COL1A2: variants seen among roughly 807,000 people sequenced by gnomAD.
The protein encoded by COL1A2 is collagen type I alpha 2 chain.
In COL1A2, 49 loss-of-function variants were observed where a neutral mutation model predicts 174.3. The ratio of observed to expected loss-of-function variants is 0.28; its 90% CI spans 0.22 to 0.36. The LOEUF is 0.36. COL1A2 is among the 10% of genes least tolerant of loss of function. The pLI is 1.00. For missense variants in COL1A2, 1,438 were observed against 1,822.7 expected (o/e 0.79, Z 3.84); for synonymous variants, 655 against 606.6 (o/e 1.08, Z -1.17).
intron 25 of COL1A2, 46 bp downstream of exon 25, chr7:94,412,728 A>C (rs764353226): frequency 6.6e-7 from 1 of 1,521,970 alleles, no homozygotes; most frequent in Non-Finnish European, 9.1e-7. Context: ...TTCTGTAGCC[A>C]AATTTTACCA....
chr7:94,428,932 T>C (rs1792342040), intron 50 of COL1A2, among the ~76,000 whole-genome samples: 1 of 152,176 alleles, frequency 6.6e-6, no homozygotes, highest in Non-Finnish European at 1.5e-5. Flanking sequence ...AAGAAGCATA[T>C]GCAAAAAGGA....
At chr7:94,408,677 T>G (rs988389076) in intron 15 of COL1A2, 93 bp from the exon 16 acceptor site, 1 of 1,362,754 alleles carries the variant, frequency 7.3e-7, no homozygotes, top group African/African-American at 1.4e-5. Context: ...AACAGTGTCA[T>G]GCCACTGTAA....
intron 29 of COL1A2, 25 bp downstream of exon 29, chr7:94,414,300 T>C (rs956849802): frequency 5.0e-6 from 8 of 1,601,724 alleles, no homozygotes; most frequent in Admixed American, 1.7e-5. Context: ...TAATAGTAAG[T>C]AGTAACTACT....
Position 94,410,920 on chromosome 7 carries a change from C to T in COL1A2, c.1229C>T (p.Ala410Val). The T allele has an allele frequency of 3.7e-6, 6 of 1,613,986 alleles. No homozygotes were observed. Among genetic ancestry groups the T allele is most frequent in the Non-Finnish European group, 5.1e-6 (6 of 1,179,972 alleles). Residue 410 changes from alanine (A) to valine (V), a missense_variant, in exon 22 of 52, where the codon GCT (alanine) becomes GTT (valine). By Grantham distance (64) the Ala-to-Val change is moderately conservative. Coordinates refer to ENST00000297268, the MANE Select transcript of COL1A2 (RefSeq NM_000089.4). ...GSPGSRGLPG[A>V]DGRAGVMGPP... ...CCTGGTTCTCGTGGTCTTCCTGGAGCTGATGGCAGAGCTGGCGTCATGGTA... is the reference window on the plus strand; with the variant it reads ...CCTGGTTCTCGTGGTCTTCCTGGAGTTGATGGCAGAGCTGGCGTCATGGTA...
intron 1 of COL1A2, among the ~76,000 whole-genome samples, chr7:94,396,505 G>C (rs75866871): frequency 0.023 from 3,462 of 152,084 alleles, 139 homozygotes; most frequent in African/African-American, 0.079. Context: ...ATAAAATGAA[G>C]GCAGACTTAG....
chr7:94,410,100 C>A, intron 19 of COL1A2, 142 bp from the exon 20 acceptor site: 4 of 889,084 alleles, frequency 4.5e-6, no homozygotes, highest in Non-Finnish European at 7.3e-6. Context: ...CCCCTGTACT[C>A]AATTTAAATA....
At chr7:94,403,012 G>A (rs1205539682) in intron 6 of COL1A2, among the ~76,000 whole-genome samples, 2 of 152,014 alleles carry the variant, frequency 1.3e-5, no homozygotes, top group Non-Finnish European at 2.9e-5. Flanking sequence ...TGTTTCTTTT[G>A]GCTTTGTTTA....
In COL1A2 at chr7:94,425,117, G is replaced by C; in HGVS notation, c.2674G>C (p.Gly892Arg). 6.2e-7 allele frequency: 1 copy of C among 1,613,850 alleles called. No individual in the cohort carries two copies. The highest frequency in any genetic ancestry group is 8.5e-7 in the Non-Finnish European group (1 of 1,179,800). The part of the protein sequence containing the change: ...RGLPGVAGAV[G>R]EPGPLGIAGP... ...CATTTTATCTTCTCTGCCTGTTTAG[G>C]GTGAACCTGGTCCTCTTGGCATTGC... The change falls in exon 42 of 52, where the codon GGT (glycine) becomes CGT (arginine). Residue 892 changes from glycine (G) to arginine (R), a missense_variant and splice_region_variant. Coordinates refer to ENST00000297268, the MANE Select transcript of COL1A2 (RefSeq NM_000089.4).
intron 1 of COL1A2, among the ~76,000 whole-genome samples, chr7:94,397,339 G>T (rs1337201132): frequency 6.6e-6 from 1 of 151,732 alleles, no homozygotes; most frequent in African/African-American, 2.4e-5. Context: ...ACCTTTTTTC[G>T]ATATTTAGGT....
chr7:94,408,128 G>C, intron 13 of COL1A2, 55 bp from the exon 14 acceptor site: 1 of 1,580,278 alleles, frequency 6.3e-7, no homozygotes, highest in Non-Finnish European at 8.7e-7. Flanking sequence ...AATGATGCCT[G>C]TGACTTTTTT....
chr7:94,425,276 T>C (rs529770435), intron 42 of COL1A2, 52 bp downstream of exon 42: 422 of 1,507,986 alleles, frequency 2.8e-4, no homozygotes, highest in Non-Finnish European at 3.4e-4. Context: ...TTTCATTGTG[T>C]GAAACTTTAT....
rs2115853650 is a variant in COL1A2 at position 94,398,380 on chromosome 7, A to G, written c.82-2A>G. ...AATAATCTTTGATTTATTCTTTTCT[A>G]GGAAACTGTAAGAAAGGTAAGAGTA... On this transcript the variant is annotated splice_acceptor_variant, in intron 2 of 51. Coordinates refer to ENST00000297268, the MANE Select transcript of COL1A2 (RefSeq NM_000089.4). LOFTEE classifies it high-confidence loss of function. The G allele has an allele frequency of 1.1e-6, 1 of 935,800 alleles. No homozygotes were observed. The highest frequency in any genetic ancestry group is 1.6e-6 in the Non-Finnish European group (1 of 637,940). The allele number at this position is 935,800 out of a possible 1,614,324, so 58.0% of individuals were successfully genotyped here.
In COL1A2 at chr7:94,425,592, T is replaced by G. The variant is rs761170046; in HGVS notation, c.2782-18T>G. ...CAGAGCCTCACCAACAGCCTTAATT[T>G]GTGTGGTGTCTTCACAGGGCAACCC... On this transcript the variant is annotated intron_variant, in intron 42 of 51. Coordinates refer to ENST00000297268, the MANE Select transcript of COL1A2 (RefSeq NM_000089.4). 36 of 1,613,656 alleles carry G rather than the reference T, an allele frequency of 2.2e-5. No homozygotes were observed. Among genetic ancestry groups the G allele is most frequent in the Non-Finnish European group, 3.0e-5 (35 of 1,179,716 alleles).
At chr7:94,419,599 G>A (rs762269760) in intron 34 of COL1A2, 48 bp downstream of exon 34, 85 of 1,603,764 alleles carry the variant, frequency 5.3e-5, no homozygotes, top group African/African-American at 4.7e-4. Flanking sequence ...AAAATTTCCC[G>A]CCTTCCCTAG....
chr7:94,404,359 A>G (rs763139397), intron 6 of COL1A2, among the ~76,000 whole-genome samples, 197 bp from the exon 7 acceptor site: 1 of 152,196 alleles, frequency 6.6e-6, no homozygotes, highest in South Asian at 2.1e-4. Flanking sequence ...TTCTGTTGAT[A>G]AGGATTGGGA....
At position 94,427,802 on chromosome 7, in the gene COL1A2, C is replaced by T. The variant is rs768437760; in HGVS notation, c.3443C>T (p.Thr1148Ile). The part of the protein sequence containing the change: ...TLKSLNNQIE[T>I]LLTPEGSRKN... ...AAGTCTCTCAACAACCAGATTGAGA[C>T]CCTTCTTACTCCTGAAGGCTCTAGA... The change falls in exon 49 of 52, where the codon ACC (threonine) becomes ATC (isoleucine). Residue 1148 changes from threonine to isoleucine, a missense_variant. Thr to Ile is a moderately conservative substitution (Grantham distance 89, BLOSUM62 -1). This residue lies in a region of COL1A2 where 290 missense variants were observed against 298.1 expected (regional missense o/e 0.97). Transcript: ENST00000297268. 1.2e-6 allele frequency: 2 copies of T among 1,613,984 alleles called. No homozygotes were observed. Among genetic ancestry groups the T allele is most frequent in the Non-Finnish European group, 1.7e-6 (2 of 1,179,868 alleles).
In COL1A2 at chr7:94,401,607, G is replaced by A; in HGVS notation, c.266G>A (p.Gly89Asp). 1 of 1,588,776 alleles carries A rather than the reference G, an allele frequency of 6.3e-7. No homozygotes were observed. The highest frequency in any genetic ancestry group is 8.6e-7 in the Non-Finnish European group (1 of 1,166,110). The change falls in exon 6 of 52, where the codon GGC (glycine) becomes GAC (aspartate). Residue 89 changes from glycine (G) to aspartate (D), a missense_variant. This residue lies in a region of COL1A2 where 281 missense variants were observed against 310.9 expected (regional missense o/e 0.90). Transcript: ENST00000297268. ...TATGATGGAAAAGGAGTTGGACTTG[G>A]CCCTGGACCAATGGTATGCTTATCT... ...AQYDGKGVGL[G>D]PGPMGLMGPR...
At chr7:94,422,066 C>T (rs944626881) in intron 39 of COL1A2, 114 bp downstream of exon 39, 6 of 804,198 alleles carry the variant, frequency 7.5e-6, no homozygotes, top group Non-Finnish European at 1.2e-5. Context: ...TTCGCTATTA[C>T]TCTCCTGGTC....
At chr7:94,423,209 A>G in intron 40 of COL1A2, 91 bp downstream of exon 40, 1 of 1,466,008 alleles carries the variant, frequency 6.8e-7, no homozygotes, top group Non-Finnish European at 9.5e-7. Context: ...CTATTTGTTG[A>G]TGAGTATTGC....
Sources: allele counts gnomAD v4.1 joint callset (sites outside exome capture counted in the v4.1 genomes callset), GRCh38; gene constraint gnomAD v4.1.1; regional missense constraint gnomAD v4.1.1; transcripts MANE v1.5; gene names NCBI Gene and HGNC (gene_info 2026-07-23, HGNC 2026-07-21).